SLIT2: variants seen among roughly 807,000 people sequenced by gnomAD.
The protein encoded by SLIT2 is slit homolog 2 protein.
A neutral mutation model predicts 185.7 loss-of-function variants in SLIT2; 41 were observed. The observed-to-expected ratio is 0.22, with a 90% CI of 0.17 to 0.29. The LOEUF (loss-of-function observed/expected upper bound fraction) is 0.29, where lower values mean the gene tolerates loss of function less well. Among genes scored for constraint, SLIT2 ranks in the 10% least tolerant of loss-of-function variants. The pLI is 1.00. For missense variants in SLIT2, 1,571 were observed against 1,909.0 expected, an observed-to-expected ratio of 0.82 and a Z score of 3.30; for synonymous variants, 693 against 680.2, an observed-to-expected ratio of 1.02 and a Z score of -0.29.
chr4:20,294,164 A>G (rs1427177755), intron 4 of SLIT2, among the ~76,000 whole-genome samples: 1 of 152,026 alleles, frequency 6.6e-6, no homozygotes, highest in African/African-American at 2.4e-5. Context: ...CCTGGCCAAC[A>G]TGACGAAACC....
intron 15 of SLIT2, among the ~76,000 whole-genome samples, chr4:20,525,540 T>G (rs999666538): frequency 8.5e-5 from 13 of 152,146 alleles, no homozygotes; most frequent in Non-Finnish European, 1.3e-4. Context: ...TGAGCTGGTT[T>G]TAAAGACAGA....
At chr4:20,491,540 GT>G (rs1717778029) in intron 8 of SLIT2, among the ~76,000 whole-genome samples, 1 of 152,086 alleles carries the variant, frequency 6.6e-6, no homozygotes. Context: ...CTTATGACCA[GT>G]TTTTAGAATC....
At chr4:20,527,440 C>T (rs1387320676) in intron 15 of SLIT2, among the ~76,000 whole-genome samples, 2 of 152,072 alleles carry the variant, frequency 1.3e-5, no homozygotes, top group African/African-American at 4.8e-5. Context: ...GCGCCCGCAA[C>T]CATGCCCAGC....
intron 34 of SLIT2, chr4:20,615,024 A>C (rs1475375882): frequency 6.6e-6 from 1 of 152,184 alleles, no homozygotes; most frequent in East Asian, 1.9e-4. Context: ...GAACTTTGCC[A>C]ATCTGTATTT....
At chr4:20,522,282 G>T (rs541478944) in intron 12 of SLIT2, among the ~76,000 whole-genome samples, 2 of 152,110 alleles carry the variant, frequency 1.3e-5, no homozygotes, top group African/African-American at 4.8e-5. Flanking sequence ...AAGGCATTAG[G>T]CCCAGCACCC....
At chr4:20,395,317 T>C (rs1227806611) in intron 4 of SLIT2, among the ~76,000 whole-genome samples, 1 of 151,912 alleles carries the variant, frequency 6.6e-6, no homozygotes, top group Non-Finnish European at 1.5e-5. Context: ...GAAAGGAATG[T>C]GGTTAGGGAA....
chr4:20,264,459 G>A (rs1009556884), intron 3 of SLIT2, among the ~76,000 whole-genome samples: 1 of 151,734 alleles, frequency 6.6e-6, no homozygotes, highest in Non-Finnish European at 1.5e-5. Flanking sequence ...AATTTTACTG[G>A]CTTTGGTAAA....
chr4:20,278,467 A>T (rs1714391651), intron 4 of SLIT2, among the ~76,000 whole-genome samples: 1 of 152,042 alleles, frequency 6.6e-6, no homozygotes, highest in Non-Finnish European at 1.5e-5. Flanking sequence ...CTTTCTGCAA[A>T]CTTTCCTCAT....
At chr4:20,268,924 T>C in intron 4 of SLIT2, 43 bp downstream of exon 4, 3 of 1,159,762 alleles carry the variant, frequency 2.6e-6, no homozygotes, top group Non-Finnish European at 3.9e-6. Flanking sequence ...GGTAGTACCT[T>C]GTGTTTTATT....
chr4:20,511,565 C>T (rs537098911), intron 11 of SLIT2, among the ~76,000 whole-genome samples: 5 of 140,540 alleles, frequency 3.6e-5, no homozygotes, highest in Non-Finnish European at 6.1e-5. Context: ...GGACTACAGG[C>T]GCCTGCCACC....
chr4:20,337,430 G>A (rs1197169708), intron 4 of SLIT2, among the ~76,000 whole-genome samples: 1 of 152,004 alleles, frequency 6.6e-6, no homozygotes, highest in African/African-American at 2.4e-5. Context: ...CTCCCAGTGG[G>A]ATACCCAGCA....
intron 4 of SLIT2, among the ~76,000 whole-genome samples, chr4:20,405,780 T>C (rs965030914): frequency 3.3e-5 from 5 of 151,994 alleles, no homozygotes; most frequent in Admixed American, 3.3e-4. Flanking sequence ...TTTAGAGGAA[T>C]GTGGTATTTT....
chr4:20,567,792 T>G (rs1195398118), intron 28 of SLIT2, among the ~76,000 whole-genome samples, 177 bp downstream of exon 28: 1 of 152,090 alleles, frequency 6.6e-6, no homozygotes, highest in Non-Finnish European at 1.5e-5. Flanking sequence ...ATGGAGACAC[T>G]ACAGCATTCT....
Position 20,494,878 on chromosome 4 carries a change from G to C in SLIT2, c.914+2979G>C, listed in dbSNP as rs553234842. On this transcript the variant is annotated intron_variant, in intron 9 of 36. Transcript: ENST00000504154. Reference sequence around the variant, plus strand: ...AAATTTTGGAGTAATTAACATAATAGAAAACAGTCAATATTTGAAACCATC... The same window carrying C: ...AAATTTTGGAGTAATTAACATAATACAAAACAGTCAATATTTGAAACCATC... 2.0e-4 allele frequency among the ~76,000 whole-genome samples: 31 copies of C among 151,962 alleles called. No homozygotes were observed. The South Asian group carries it at 5.8e-3, about 29-fold the overall frequency.
intron 4 of SLIT2, among the ~76,000 whole-genome samples, chr4:20,351,684 G>A (rs1435636801): frequency 6.6e-6 from 1 of 152,106 alleles, no homozygotes; most frequent in Non-Finnish European, 1.5e-5. Flanking sequence ...AGAGTGGATG[G>A]GCAGTCCTGG....
intron 4 of SLIT2, among the ~76,000 whole-genome samples, chr4:20,330,804 A>G (rs1719998612): frequency 6.6e-6 from 1 of 151,962 alleles, no homozygotes; most frequent in Non-Finnish European, 1.5e-5. Flanking sequence ...GTGTCAAGTC[A>G]TGGTCTTACA....
At chr4:20,348,308 G>C (rs1020121027) in intron 4 of SLIT2, among the ~76,000 whole-genome samples, 69 of 152,106 alleles carry the variant, frequency 4.5e-4, no homozygotes, top group African/African-American at 1.7e-3. Context: ...GCATGATCTT[G>C]GCTCATTGCA....
chr4:20,281,110 G>A (rs1446722173), intron 4 of SLIT2, among the ~76,000 whole-genome samples: 1 of 152,160 alleles, frequency 6.6e-6, no homozygotes, highest in African/African-American at 2.4e-5. Flanking sequence ...TGGGATTACA[G>A]GCGTGAGCCA....
intron 4 of SLIT2, chr4:20,394,561 C>T (rs1725726082): frequency 6.6e-6 from 1 of 151,802 alleles, no homozygotes; most frequent in South Asian, 2.1e-4. Flanking sequence ...TGCTATTCTT[C>T]CAACTGCAGG....
Sources: gnomAD v4.1 joint callset for allele counts (sites outside exome capture counted in the v4.1 genomes callset) on GRCh38, gnomAD v4.1.1 for gene constraint, MANE v1.5 for transcripts, NCBI Gene and HGNC (gene_info 2026-07-23, HGNC 2026-07-21) for gene names.